FIP1L1: variants seen among roughly 807,000 people sequenced by gnomAD.
FIP1L1 encodes factor interacting with PAPOLA and CPSF1, also known as pre-mRNA 3'-end-processing factor FIP1.
A neutral mutation model predicts 84.6 loss-of-function variants in FIP1L1; 21 were observed. The observed-to-expected ratio is 0.25, with a 90% confidence interval of 0.18 to 0.36. FIP1L1 has a LOEUF of 0.36. FIP1L1 is among the 10% of genes least tolerant of loss of function. The pLI is 1.00. For missense variants in FIP1L1, 526 were observed against 751.1 expected, an observed-to-expected ratio of 0.70 and a Z score of 3.50; for synonymous variants, 263 against 242.3, an observed-to-expected ratio of 1.09 and a Z score of -0.80.
At chr4:53,420,875 A>T (rs1762137930) in intron 11 of FIP1L1, among the ~76,000 whole-genome samples, 1 of 152,198 alleles carries the variant, frequency 6.6e-6, no homozygotes, top group Non-Finnish European at 1.5e-5. Flanking sequence ...TCTTGAAATA[A>T]ATATTAATTT....
intron 9 of FIP1L1, among the ~76,000 whole-genome samples, 154 bp from the exon 10 acceptor site, chr4:53,399,576 T>C (rs1749173317): frequency 1.3e-5 from 2 of 152,236 alleles, no homozygotes; most frequent in African/African-American, 4.8e-5. Flanking sequence ...CTAATACTGT[T>C]CTAAAATAGG....
chr4:53,411,993 A>G (rs981745448), intron 10 of FIP1L1, among the ~76,000 whole-genome samples: 1 of 151,860 alleles, frequency 6.6e-6, no homozygotes, highest in African/African-American at 2.4e-5. Context: ...TATTACCCCC[A>G]AAAGTCCCCA....
At chr4:53,442,184 CTG>C (rs1772237698) in intron 13 of FIP1L1, 1 of 154,352 alleles carries the variant, frequency 6.5e-6, no homozygotes, top group Admixed American at 6.4e-5. Context: ...GCTTTGAACA[CTG>C]TACATTTACT....
intron 15 of FIP1L1, among the ~76,000 whole-genome samples, chr4:53,449,438 G>A (rs1254108018): frequency 2.0e-5 from 3 of 151,960 alleles, no homozygotes; most frequent in Non-Finnish European, 4.4e-5. Context: ...CTAATATTAA[G>A]CTACTGTTGA....
chr4:53,432,398 C>CAAAAAAAAAAAAAAAAAAAAAAAAA (rs35596754), intron 13 of FIP1L1, among the ~76,000 whole-genome samples: 2 of 68,404 alleles, frequency 2.9e-5, no homozygotes, highest in Non-Finnish European at 5.1e-5. Flanking sequence ...AACTCCATCT[C>CAAAAAAAAAAAAAAAAAAAAAAAAA]AAAAAAAAAA....
intron 10 of FIP1L1, among the ~76,000 whole-genome samples, chr4:53,413,381 G>T (rs1758038080): frequency 2.6e-5 from 4 of 152,122 alleles, no homozygotes; most frequent in African/African-American, 9.6e-5. Context: ...AGCTAGGAAA[G>T]AATTAGCATT....
rs1339658593 is a variant in FIP1L1, at chr4:53,459,895, T to A, written c.*446T>A. ...GTCTTTATCATTACTGCTGTGACAC[T>A]CTTGCTTAGTATATTAAGAGACTCA... On this transcript the variant is annotated 3_prime_UTR_variant, in exon 18 of 18. Transcript: ENST00000337488. 2 of 229,614 alleles carry A rather than the reference T, an allele frequency of 8.7e-6. No individual in the cohort carries two copies. Among genetic ancestry groups the A allele is most frequent in the Non-Finnish European group, 1.7e-5 (2 of 115,976 alleles). The allele number at this position is 229,614 out of a possible 1,614,324, so 14.2% of individuals were successfully genotyped here. A position where few individuals can be genotyped will look rare whatever the true frequency, so the allele number is the denominator to read the frequency against.
At chr4:53,431,415 G>A (rs1333719318) in intron 13 of FIP1L1, among the ~76,000 whole-genome samples, 1 of 152,124 alleles carries the variant, frequency 6.6e-6, no homozygotes, top group Non-Finnish European at 1.5e-5. Context: ...TAGATAAACT[G>A]TCTTGTTTTT....
At chr4:53,381,929 A>AT (rs71638926) in intron 3 of FIP1L1, among the ~76,000 whole-genome samples, 150 of 143,172 alleles carry the variant, frequency 1.0e-3, no homozygotes, top group South Asian at 1.3e-3. Flanking sequence ...TGCCTGGCTA[A>AT]TTTTTTTTTT....
At chr4:53,430,875 T>C (rs1766344150) in intron 13 of FIP1L1, among the ~76,000 whole-genome samples, 1 of 152,224 alleles carries the variant, frequency 6.6e-6, no homozygotes, top group Non-Finnish European at 1.5e-5. Flanking sequence ...CAGATTCAAA[T>C]GAATTCTAAT....
At position 53,405,502 on chromosome 4, in the gene FIP1L1, G is replaced by A. The variant is rs929564886; in HGVS notation, c.815+5663G>A. Among the ~76,000 whole-genome samples, 6 of 147,958 alleles carry A rather than the reference G, an allele frequency of 4.1e-5. No individual in the cohort carries two copies. The East Asian group carries it at 7.9e-4, about 19-fold the overall frequency. ...CCTTGGCGATGCGGGCTCTTTTTTG[G>A]TTCCATATGAACTTTAAAGTAGTTT... On this transcript the variant is annotated intron_variant, in intron 10 of 17. Coordinates refer to ENST00000337488, the MANE Select transcript of FIP1L1 (RefSeq NM_030917.4).
chr4:53,392,829 ATG>A (rs1346803801), intron 9 of FIP1L1, among the ~76,000 whole-genome samples: 15 of 152,290 alleles, frequency 9.8e-5, no homozygotes, highest in Admixed American at 8.5e-4. Flanking sequence ...TCTTTTGGCT[ATG>A]TGAGAGGAGG....
chr4:53,382,390 A>G (rs1330730550), intron 4 of FIP1L1, 55 bp downstream of exon 4: 15 of 1,415,210 alleles, frequency 1.1e-5, no homozygotes, highest in Non-Finnish European at 1.5e-5. Flanking sequence ...CAATAGCTTC[A>G]CAGTTTACAT....
intron 13 of FIP1L1, among the ~76,000 whole-genome samples, chr4:53,439,871 G>T (rs548664592): frequency 6.6e-6 from 1 of 151,914 alleles, no homozygotes; most frequent in African/African-American, 2.4e-5. Flanking sequence ...GGCACATTTG[G>T]TCCCTGTAAA....
At chr4:53,389,919 T>A in intron 6 of FIP1L1, 46 bp downstream of exon 6, 1 of 1,423,316 alleles carries the variant, frequency 7.0e-7, no homozygotes, top group East Asian at 2.3e-5. Context: ...ATAAGGCACA[T>A]ATCTTAAATA....
intron 15 of FIP1L1, among the ~76,000 whole-genome samples, chr4:53,446,240 G>A (rs1774157680): frequency 6.6e-6 from 1 of 151,596 alleles, no homozygotes; most frequent in South Asian, 2.1e-4. Context: ...TAGTCCTTGG[G>A]TTGTAATCTT....
Position 53,450,225 on chromosome 4 carries a change from A to G in FIP1L1, c.1286-2695A>G, listed in dbSNP as rs542155979. Among the ~76,000 whole-genome samples the G allele has an allele frequency of 2.0e-5, 3 of 152,264 alleles. No individual in the cohort carries two copies. In the South Asian group the frequency reaches 6.2e-4, roughly 32 times the overall value. ...AACAACTTGTATCCCTAAACTTTCGATAAATCTTATGTTTGTCTATGTTTA... is the reference window on the plus strand; with the variant it reads ...AACAACTTGTATCCCTAAACTTTCGGTAAATCTTATGTTTGTCTATGTTTA... On this transcript the variant is annotated intron_variant, in intron 15 of 17. Transcript: ENST00000337488.
At chr4:53,434,063 A>C (rs1354971200) in intron 13 of FIP1L1, among the ~76,000 whole-genome samples, 7 of 152,166 alleles carry the variant, frequency 4.6e-5, no homozygotes, top group Non-Finnish European at 7.3e-5. Flanking sequence ...GTTCTTTAGC[A>C]CAGCAGTTCT....
intron 9 of FIP1L1, among the ~76,000 whole-genome samples, chr4:53,392,398 C>A (rs949888694): frequency 1.3e-5 from 2 of 152,242 alleles, no homozygotes; most frequent in Admixed American, 6.5e-5. Context: ...TACAACCACT[C>A]TACTGTACAC....
Sources: gnomAD v4.1 joint callset for allele counts (sites outside exome capture counted in the v4.1 genomes callset) on GRCh38, gnomAD v4.1.1 for gene constraint, MANE v1.5 for transcripts, NCBI Gene and HGNC (gene_info 2026-07-23, HGNC 2026-07-21) for gene names.